The following COL14A1 variants were observed in gnomAD, a reference collection of about 807,000 sequenced individuals.
COL14A1 encodes the protein collagen type XIV alpha 1 chain, also known as collagen alpha-1(XIV) chain.
COL14A1 carries 136 observed loss-of-function variants against 230.3 expected under a neutral mutation model. The ratio of observed to expected loss-of-function variants is 0.59; its 90% CI spans 0.51 to 0.68. The LOEUF (loss-of-function observed/expected upper bound fraction) is 0.68, where lower values mean the gene tolerates loss of function less well. Among genes scored for constraint, COL14A1 ranks in the 30% least tolerant of loss-of-function variants. The probability of loss-of-function intolerance (pLI) is 0.00; values close to 1 mark genes in which losing one functional copy is unlikely to be tolerated. For synonymous variants in COL14A1, 792 were observed against 784.1 expected (o/e 1.01, Z -0.17); for missense variants, 1,976 against 2,215.8 (o/e 0.89, Z 2.17).
At chr8:120,226,019 A>G (rs1818083645) in intron 15 of COL14A1, among the ~76,000 whole-genome samples, 1 of 151,522 alleles carries the variant, frequency 6.6e-6, no homozygotes, top group East Asian at 1.9e-4. Flanking sequence ...TTAAACTCTG[A>G]CTTCAAATAA....
intron 23 of COL14A1, among the ~76,000 whole-genome samples, chr8:120,258,248 A>G (rs1261049114): frequency 6.6e-6 from 1 of 152,120 alleles, no homozygotes; most frequent in East Asian, 1.9e-4. Flanking sequence ...CTATGCCTTC[A>G]TTTTCAACCA....
At position 120,371,208 on chromosome 8, in the gene COL14A1, G is replaced by C; in HGVS notation, c.5368G>C (p.Glu1790Gln). 6.2e-7 allele frequency: 1 copy of C among 1,611,604 alleles called. No homozygotes were observed. The highest frequency in any genetic ancestry group is 8.5e-7 in the Non-Finnish European group (1 of 1,178,858). Residue 1790 changes from glutamate to glutamine, a missense_variant, in exon 48 of 48, where the codon GAA (glutamate) becomes CAA (glutamine). Glu to Gln is a conservative substitution (Grantham distance 29, BLOSUM62 2). Transcript: ENST00000297848. ...TPVQDELEAM[E>Q]LWGPGV ...TGTCCAAGATGAGCTGGAAGCCATG[G>C]AACTGTGGGGCCCTGGAGTCTGATA...
intron 14 of COL14A1, among the ~76,000 whole-genome samples, chr8:120,217,050 C>T (rs372083217): frequency 1.3e-5 from 2 of 152,232 alleles, no homozygotes; most frequent in African/African-American, 2.4e-5. Context: ...AGGTCAGTCA[C>T]AGGATAGGAG....
At chr8:120,196,356 A>G (rs1180555377) in intron 5 of COL14A1, among the ~76,000 whole-genome samples, 5 of 152,084 alleles carry the variant, frequency 3.3e-5, no homozygotes, top group East Asian at 1.9e-4. Context: ...TCTTTTTTCT[A>G]TCACTTCCTG....
At chr8:120,272,601 A>G (rs1436875577) in intron 26 of COL14A1, among the ~76,000 whole-genome samples, 1 of 151,348 alleles carries the variant, frequency 6.6e-6, no homozygotes, top group Non-Finnish European at 1.5e-5. Flanking sequence ...GTAAAAGAAG[A>G]TATTCCATGC....
At chr8:120,294,343 A>G (rs1016859795) in intron 34 of COL14A1, among the ~76,000 whole-genome samples, 2 of 151,716 alleles carry the variant, frequency 1.3e-5, no homozygotes, top group Non-Finnish European at 1.5e-5. Context: ...ATGTCTAACA[A>G]TGAAAAATGA....
intron 45 of COL14A1, among the ~76,000 whole-genome samples, chr8:120,358,682 C>T (rs562036429): frequency 6.6e-6 from 1 of 151,446 alleles, no homozygotes; most frequent in East Asian, 1.9e-4. Flanking sequence ...GAAAGAAACT[C>T]CTTTTTTAAA....
chr8:120,369,413 C>T lies in COL14A1; in HGVS notation c.5239C>T (p.Pro1747Ser). 1.2e-6 allele frequency: 2 copies of T among 1,610,668 alleles called. No individual in the cohort carries two copies. Among genetic ancestry groups the T allele is most frequent in the African/African-American group, 1.3e-5 (1 of 74,968 alleles). ...AGGCCCACCAGGTCATCTGGGGGTT[C>T]CTGGACCCCAAGGTCCTTCTGGCCA... ...PRGPPGHLGV[P>S]GPQGPSGQPG... Residue 1747 changes from proline (P) to serine (S), a missense_variant, in exon 47 of 48, where the codon CCT becomes TCT. By Grantham distance (74) the Pro-to-Ser change is moderately conservative (BLOSUM62 -1). Around this residue, in one of 3 missense-constraint regions of COL14A1, gnomAD observed 1,791 missense variants for 2,019.5 expected, o/e 0.89. Coordinates refer to ENST00000297848, the MANE Select transcript of COL14A1 (RefSeq NM_021110.4).
At chr8:120,217,591 G>A (rs771272279) in intron 14 of COL14A1, among the ~76,000 whole-genome samples, 6 of 151,980 alleles carry the variant, frequency 3.9e-5, no homozygotes, top group African/African-American at 1.4e-4. Flanking sequence ...TGTAATGGAC[G>A]GGCAGTAAGT....
rs751889263 is a variant in COL14A1 at position 120,279,935 on chromosome 8, G to T, written c.3482G>T (p.Gly1161Val). 1 of 1,613,300 alleles carries T rather than the reference G, an allele frequency of 6.2e-7. No individual in the cohort carries two copies. The highest frequency in any genetic ancestry group is 8.5e-7 in the Non-Finnish European group (1 of 1,179,638). ...GAAATCTGTTCTCTGTCTGCCACAGGCTATAGCATTTTTGCAATTGGTGTG... is the reference window on the plus strand; with the variant it reads ...GAAATCTGTTCTCTGTCTGCCACAGTCTATAGCATTTTTGCAATTGGTGTG... ...NKISREMQLD[G>V]YSIFAIGVAD... The change falls in exon 29 of 48, where the codon GGC becomes GTC. Residue 1161 changes from glycine (G) to valine (V), a missense_variant and splice_region_variant. Gly to Val is a moderately radical substitution (Grantham distance 109). Transcript: ENST00000297848.
In COL14A1 at chr8:120,193,047, G is replaced by A. The variant is rs560956680; in HGVS notation, c.437-3744G>A. ...GTCTGAAGCCTTCTTCTCTCAACTC[G>A]TCAAAGTCATTCTCCGTCCAGCTTT... is the stretch of plus-strand genomic sequence containing the variant. On this transcript the variant is annotated intron_variant, in intron 5 of 47. Transcript: ENST00000297848. Among the ~76,000 whole-genome samples the A allele has an allele frequency of 5.9e-5, 9 of 152,258 alleles. No homozygotes were observed. The East Asian group carries it at 9.7e-4, about 16-fold the overall frequency.
chr8:120,356,593 A>G (rs1384599788), intron 45 of COL14A1, among the ~76,000 whole-genome samples: 1 of 152,118 alleles, frequency 6.6e-6, no homozygotes, highest in Admixed American at 6.6e-5. Flanking sequence ...GGAGATGGAT[A>G]TTAAGCAAAC....
intron 40 of COL14A1, among the ~76,000 whole-genome samples, chr8:120,326,918 C>G (rs927622006): frequency 6.6e-6 from 1 of 151,972 alleles, no homozygotes; most frequent in Non-Finnish European, 1.5e-5. Context: ...CCCAGCTACT[C>G]AGGAGGCTGA....
intron 36 of COL14A1, among the ~76,000 whole-genome samples, chr8:120,306,829 A>G (rs1820871417): frequency 6.6e-6 from 1 of 152,208 alleles, no homozygotes; most frequent in Non-Finnish European, 1.5e-5. Flanking sequence ...TAAAATCTTC[A>G]GTTGAAGATA....
intron 24 of COL14A1, among the ~76,000 whole-genome samples, chr8:120,266,334 AAGACATTTCCAGATGC>A (rs1461793083): frequency 6.6e-6 from 1 of 152,070 alleles, no homozygotes; most frequent in Non-Finnish European, 1.5e-5. Context: ...TCAAAACCAA[AAGACATTTCCAGATGC>A]AGTCTGAGCA....
chr8:120,281,086 G>C (rs1203018993), intron 31 of COL14A1, 27 bp downstream of exon 31: 2 of 1,590,156 alleles, frequency 1.3e-6, no homozygotes, highest in African/African-American at 2.7e-5. Flanking sequence ...AGATTTTAAA[G>C]TCATCGTATG....
chr8:120,213,956 C>A, intron 13 of COL14A1: 1 of 419,816 alleles, frequency 2.4e-6, no homozygotes, highest in Non-Finnish European at 4.7e-6. Flanking sequence ...TTAAGAGATT[C>A]ACTAACTCCT....
chr8:120,133,595 ATAAAGTTTACACAGATGGAAAT>A (rs1349113057), intron 1 of COL14A1, among the ~76,000 whole-genome samples: 1 of 152,208 alleles, frequency 6.6e-6, no homozygotes, highest in African/African-American at 2.4e-5. Context: ...TAATAGCTCA[ATAAAGTTTACACAGATGGAAAT>A]TTACTAAACA....
At chr8:120,356,785 C>A (rs1823003838) in intron 45 of COL14A1, among the ~76,000 whole-genome samples, 1 of 151,990 alleles carries the variant, frequency 6.6e-6, no homozygotes, top group African/African-American at 2.4e-5. Context: ...GATTCACCAT[C>A]CCCTGCCTCT....
Sources: gnomAD v4.1 joint callset for allele counts (sites outside exome capture counted in the v4.1 genomes callset) on GRCh38, gnomAD v4.1.1 for gene constraint, gnomAD v4.1.1 regional missense constraint, MANE v1.5 for transcripts, NCBI Gene and HGNC (gene_info 2026-07-23, HGNC 2026-07-21) for gene names.